PLXDC1: variants seen among roughly 807,000 people sequenced by gnomAD.
PLXDC1 encodes the protein plexin domain-containing protein 1.
A neutral mutation model predicts 61.3 loss-of-function variants in PLXDC1; 39 were observed. The observed-to-expected ratio is 0.64, with a 90% CI of 0.49 to 0.83. PLXDC1 has a LOEUF of 0.83. Ranked by LOEUF, PLXDC1 falls within the 40% of genes least tolerant of loss-of-function variation. The pLI is 0.00. For synonymous variants in PLXDC1, 212 were observed against 254.5 expected (o/e 0.83, Z 1.59); for missense variants, 596 against 666.5 (o/e 0.89, Z 1.17).
chr17:39,113,263 G>A (rs1241149181), intron 2 of PLXDC1: 1 of 152,194 alleles, frequency 6.6e-6, no homozygotes, highest in African/African-American at 2.4e-5. Flanking sequence ...GAGGGAGCGT[G>A]GCCCTGCTGA....
intron 2 of PLXDC1, among the ~76,000 whole-genome samples, chr17:39,116,066 C>T (rs563259877): frequency 1.3e-5 from 2 of 152,004 alleles, no homozygotes; most frequent in Non-Finnish European, 1.5e-5. Context: ...TGCTGTGAGC[C>T]GAGATTGCGC....
intron 7 of PLXDC1, among the ~76,000 whole-genome samples, chr17:39,088,318 G>A (rs1909817534): frequency 6.6e-6 from 1 of 152,204 alleles, no homozygotes; most frequent in Admixed American, 6.5e-5. Context: ...CCCCCAGCAA[G>A]GCTCAGGGCT....
chr17:39,119,877 T>TC (rs1346283698), intron 2 of PLXDC1, among the ~76,000 whole-genome samples: 1 of 151,000 alleles, frequency 6.6e-6, no homozygotes, highest in Admixed American at 6.6e-5. Flanking sequence ...AAATCCTAAG[T>TC]CCCCCAACCA....
chr17:39,068,684 A>G (rs917525709), intron 13 of PLXDC1, among the ~76,000 whole-genome samples: 2 of 152,210 alleles, frequency 1.3e-5, no homozygotes, highest in African/African-American at 4.8e-5. Flanking sequence ...CGAAATAAAT[A>G]AAATGCAGAT....
chr17:39,115,659 G>C (rs755127656), intron 2 of PLXDC1, among the ~76,000 whole-genome samples: 10 of 152,226 alleles, frequency 6.6e-5, no homozygotes, highest in Admixed American at 3.9e-4. Context: ...AAAGCCTGCA[G>C]GGGAGCATTT....
chr17:39,108,273 A>G (rs1346856343), intron 4 of PLXDC1, 28 bp from the exon 5 acceptor site: 13 of 1,612,666 alleles, frequency 8.1e-6, no homozygotes, highest in Non-Finnish European at 1.1e-5. Context: ...CAGAGGAGTC[A>G]CCAGAAATGG....
At chr17:39,110,190 C>T (rs1212355834) in intron 2 of PLXDC1, among the ~76,000 whole-genome samples, 1 of 152,020 alleles carries the variant, frequency 6.6e-6, no homozygotes, top group Non-Finnish European at 1.5e-5. Flanking sequence ...GCCTCTTGGT[C>T]CTGGGGAGTT....
At chr17:39,087,568 C>T (rs747644556) in intron 8 of PLXDC1, 39 bp downstream of exon 8, 2 of 1,496,848 alleles carry the variant, frequency 1.3e-6, no homozygotes, top group Admixed American at 1.7e-5. Context: ...TGCTTGACTC[C>T]AGAGCTCTTT....
chr17:39,084,376 A>G (rs1909668762), intron 8 of PLXDC1, among the ~76,000 whole-genome samples: 1 of 152,226 alleles, frequency 6.6e-6, no homozygotes, highest in Non-Finnish European at 1.5e-5. Context: ...GATGATGGAT[A>G]TGTTAACTGC....
intron 2 of PLXDC1, among the ~76,000 whole-genome samples, chr17:39,115,754 A>C (rs17632667): frequency 0.092 from 14,003 of 152,140 alleles, 849 homozygotes; most frequent in Non-Finnish European, 0.14. Context: ...TTGTTACTGC[A>C]GGGCAACCCT....
In PLXDC1 at chr17:39,102,736, ACACACT is replaced by A. The variant is rs1279386636; in HGVS notation, c.811+3112_811+3117del. ...CACACACACACACACACACACACAC[ACACACT>A]CACTCACCTGAAGGCTTGCAGCTCT... is the stretch of plus-strand genomic sequence containing the variant. On this transcript the variant is annotated intron_variant, in intron 7 of 13. Coordinates refer to ENST00000315392, the MANE Select transcript of PLXDC1 (RefSeq NM_020405.5). 2.8e-3 allele frequency among the ~76,000 whole-genome samples: 357 copies of A among 125,494 alleles called. 5 individuals are homozygous for A. In the East Asian group the frequency reaches 0.038, roughly 13 times the overall value. The allele number at this position is 125,494 out of a possible 152,430, so 82.3% of individuals were successfully genotyped here.
intron 2 of PLXDC1, among the ~76,000 whole-genome samples, chr17:39,131,392 C>G (rs12946162): frequency 6.6e-6 from 1 of 151,050 alleles, no homozygotes; most frequent in Non-Finnish European, 1.5e-5. Flanking sequence ...CTCGCTCTGT[C>G]GCCCAGGCTG....
intron 11 of PLXDC1, 51 bp from the exon 12 acceptor site, chr17:39,072,536 T>G: frequency 8.8e-7 from 1 of 1,141,576 alleles, no homozygotes; most frequent in Non-Finnish European, 1.3e-6. Flanking sequence ...CATTACAGCC[T>G]TTGTCACTCT....
At chr17:39,087,935 G>C (rs181822686) in intron 7 of PLXDC1, among the ~76,000 whole-genome samples, 1 of 152,172 alleles carries the variant, frequency 6.6e-6, no homozygotes, top group African/African-American at 2.4e-5. Flanking sequence ...CTGCTCTTGG[G>C]GGCAGGACAA....
In PLXDC1 at chr17:39,065,661, C is replaced by T. The variant is rs772388292; in HGVS notation, c.*2179G>A. The T allele has an allele frequency of 1.1e-4, 16 of 152,226 alleles. No individual in the cohort carries two copies. Among genetic ancestry groups the T allele is most frequent in the Non-Finnish European group, 2.3e-4 (16 of 68,090 alleles). The allele number at this position is 152,226 out of a possible 1,614,324, so 9.4% of individuals were successfully genotyped here. A position where few individuals can be genotyped will look rare whatever the true frequency, so the allele number is the denominator to read the frequency against. On this transcript the variant is annotated 3_prime_UTR_variant, in exon 14 of 14. Coordinates refer to ENST00000315392, the MANE Select transcript of PLXDC1 (RefSeq NM_020405.5). ...AAAGTGCTGGGAGTACAGGCACGAG[C>T]CATCAGGCTTGGCCAAATAAGCGTT...
intron 2 of PLXDC1, among the ~76,000 whole-genome samples, chr17:39,109,692 C>G (rs1910729059): frequency 2.0e-5 from 3 of 152,194 alleles, no homozygotes; most frequent in Admixed American, 2.0e-4. Context: ...CCGGCAGCCC[C>G]TGCATCCCTT....
intron 2 of PLXDC1, among the ~76,000 whole-genome samples, chr17:39,134,841 A>G (rs1407737187): frequency 6.6e-6 from 1 of 151,908 alleles, no homozygotes; most frequent in East Asian, 1.9e-4. Flanking sequence ...CAAGCCCCTC[A>G]ATGGTAGTCA....
rs1908853907 is a variant in PLXDC1 at position 39,065,368 on chromosome 17, G to A, written c.*2472C>T. 6.7e-6 allele frequency: 1 copy of A among 150,354 alleles called. No individual in the cohort carries two copies. The highest frequency in any genetic ancestry group is 1.5e-5 in the Non-Finnish European group (1 of 67,836). 9.3% of individuals were successfully genotyped at this position (150,354 alleles called of 1,614,324 possible). ...GTTAATGATTGTCTACAGGATCCCT[G>A]ACAATGTAAGCATTTCTTTTTCCGT... On this transcript the variant is annotated 3_prime_UTR_variant, in exon 14 of 14. Coordinates refer to ENST00000315392, the MANE Select transcript of PLXDC1 (RefSeq NM_020405.5).
chr17:39,135,985 T>C (rs1474507771), intron 2 of PLXDC1, among the ~76,000 whole-genome samples: 3 of 152,148 alleles, frequency 2.0e-5, no homozygotes, highest in African/African-American at 7.2e-5. Context: ...TTCTGAAAGG[T>C]CCTCTTTGTG....
Sources: allele counts gnomAD v4.1 joint callset (sites outside exome capture counted in the v4.1 genomes callset), GRCh38; gene constraint gnomAD v4.1.1; transcripts MANE v1.5; gene names NCBI Gene and HGNC (gene_info 2026-07-23, HGNC 2026-07-21).